The following SSH1 variants were observed in gnomAD, a reference collection of about 807,000 sequenced individuals.
The protein encoded by SSH1 is protein phosphatase Slingshot homolog 1.
Under a neutral mutation model 79.7 loss-of-function variants are expected in SSH1, and 43 were observed. The observed-to-expected ratio is 0.54, with a 90% CI of 0.42 to 0.70. The LOEUF (loss-of-function observed/expected upper bound fraction) is 0.70, where lower values mean the gene tolerates loss of function less well. Among genes scored for constraint, SSH1 ranks in the 30% least tolerant of loss-of-function variants. The probability of loss-of-function intolerance (pLI) is 0.00; values close to 1 mark genes in which losing one functional copy is unlikely to be tolerated. For missense variants in SSH1, 1,206 were observed against 1,358.8 expected (o/e 0.89, Z 1.77); for synonymous variants, 599 against 538.3 (o/e 1.11, Z -1.56).
At chr12:108,852,563 T>A in intron 2 of SSH1, 75 bp downstream of exon 2, 1 of 1,583,538 alleles carries the variant, frequency 6.3e-7, no homozygotes, top group Non-Finnish European at 8.7e-7. Flanking sequence ...ACGTTTTCCC[T>A]TTGGGAGAGG....
Position 108,788,340 on chromosome 12 carries a change from G to C in SSH1, c.2798C>G (p.Thr933Ser). Residue 933 changes from threonine to serine, a missense_variant, in exon 15 of 15, where the codon ACC becomes AGC. This residue lies in a region of SSH1 where 709 missense variants were observed against 730.6 expected (regional missense o/e 0.97). Transcript: ENST00000326495. ...PTSSSMSSNL[T>S]RSSSSDSIHS... ...GATGCTATCGCTGCTGGAGCTCCGG[G>C]TCAGGTTGGAGCTCATGGAAGAGGA... is the stretch of plus-strand genomic sequence containing the variant. 6.2e-7 allele frequency: 1 copy of C among 1,613,320 alleles called. No homozygotes were observed. The highest frequency in any genetic ancestry group is 8.5e-7 in the Non-Finnish European group (1 of 1,179,970).
At chr12:108,823,205 C>T (rs2038188431) in intron 3 of SSH1, 53 bp downstream of exon 3, 12 of 1,499,870 alleles carry the variant, frequency 8.0e-6, no homozygotes, top group South Asian at 2.4e-5. Context: ...GAAGTTTCCT[C>T]TGCTGTCCAG....
Position 108,786,180 on chromosome 12 carries a change from C to G in SSH1, c.*1808G>C, listed in dbSNP as rs2036267312. The G allele has an allele frequency of 6.6e-6, 1 of 152,328 alleles. No individual in the cohort carries two copies. The highest frequency in any genetic ancestry group is 3.4e-3 in the Middle Eastern group (1 of 294). The allele number at this position is 152,328 out of a possible 1,614,324, so 9.4% of individuals were successfully genotyped here. The stretch of plus-strand genomic sequence containing the variant: ...ATGTTAAGATGATGGCTCACTCACT[C>G]ACTTTCAGAATTCAGCTGGTCCTTG... On this transcript the variant is annotated 3_prime_UTR_variant, in exon 15 of 15. Transcript: ENST00000326495.
chr12:108,831,574 TG>T (rs1431346297), intron 2 of SSH1, among the ~76,000 whole-genome samples: 1 of 151,404 alleles, frequency 6.6e-6, no homozygotes, highest in African/African-American at 2.4e-5. Context: ...AGTTCCACGG[TG>T]GAAGGAGGTG....
intron 5 of SSH1, among the ~76,000 whole-genome samples, chr12:108,816,029 C>T (rs2037870956): frequency 6.6e-6 from 1 of 152,224 alleles, no homozygotes; most frequent in African/African-American, 2.4e-5. Context: ...AAATGCTCCT[C>T]AAATGCACCT....
chr12:108,856,693 T>C (rs1376661941), intron 1 of SSH1, among the ~76,000 whole-genome samples: 4 of 152,134 alleles, frequency 2.6e-5, no homozygotes, highest in Non-Finnish European at 4.4e-5. Flanking sequence ...CACACGTTTG[T>C]AGGGGCACTC....
intron 13 of SSH1, among the ~76,000 whole-genome samples, chr12:108,796,525 TTTCC>T (rs1338884659): frequency 1.3e-5 from 2 of 152,254 alleles, no homozygotes; most frequent in Admixed American, 6.5e-5. Flanking sequence ...TGTGTCAGTC[TTTCC>T]TTCCTTTTTA....
Position 108,857,462 on chromosome 12 carries a change from G to T in SSH1, c.35C>A (p.Pro12His). 8.9e-7 allele frequency: 1 copy of T among 1,129,240 alleles called. No homozygotes were observed. The highest frequency in any genetic ancestry group is 3.3e-5 in the Admixed American group (1 of 30,766). 70.0% of individuals were successfully genotyped at this position (1,129,240 alleles called of 1,614,324 possible). Reference sequence around the variant, plus strand: ...GCTGGCCGAGGAGGAGGCGGCGCTGGGCGTGGGCGAGCGCTGCAGGGTCAC... The same window carrying T: ...GCTGGCCGAGGAGGAGGCGGCGCTGTGCGTGGGCGAGCGCTGCAGGGTCAC... ...ALVTLQRSPT[P>H]SAASSSASNS... Residue 12 changes from proline to histidine, a missense_variant, in exon 1 of 15, where the codon CCC (proline) becomes CAC (histidine). Physicochemically the swap from Pro to His is moderately conservative, Grantham distance 77 (BLOSUM62 -2). Coordinates refer to ENST00000326495, the MANE Select transcript of SSH1 (RefSeq NM_018984.4). The surrounding 1 kb of genome is among the most constrained non-coding windows in gnomAD (Gnocchi z 4.7).
chr12:108,840,738 G>A (rs1408973610), intron 2 of SSH1, among the ~76,000 whole-genome samples: 1 of 152,146 alleles, frequency 6.6e-6, no homozygotes, highest in Non-Finnish European at 1.5e-5. Flanking sequence ...CTAAAGATGC[G>A]AGTACTTTCT....
rs1422245590 is a variant in SSH1, at chr12:108,780,275, C to T, written c.*7713G>A. ...AAACACAAACAAGCATGCGGATCCT[C>T]CCCAGCAAAACCACCTCCACTGTAG... On this transcript the variant is annotated 3_prime_UTR_variant, in exon 15 of 15. Coordinates refer to ENST00000326495, the MANE Select transcript of SSH1 (RefSeq NM_018984.4). The T allele has an allele frequency of 6.6e-6, 1 of 152,172 alleles. No individual in the cohort carries two copies. The highest frequency in any genetic ancestry group is 1.5e-5 in the Non-Finnish European group (1 of 68,034). 9.4% of individuals were successfully genotyped at this position (152,172 alleles called of 1,614,324 possible). A position where few individuals can be genotyped will look rare whatever the true frequency, so the allele number is the denominator to read the frequency against.
chr12:108,787,097 CG>C lies in SSH1; in HGVS notation c.*890del, dbSNP rs1251958237. 6.6e-6 allele frequency: 1 copy of C among 152,218 alleles called. No homozygotes were observed. Among genetic ancestry groups the C allele is most frequent in the Non-Finnish European group, 1.5e-5 (1 of 68,052 alleles). The allele number at this position is 152,218 out of a possible 1,614,324, so 9.4% of individuals were successfully genotyped here. ...CTAAGCATCTGGGCTCTCAGCAGGA[CG>C]ATGTGTCTCAGAACCACCACCTGAG... is the stretch of plus-strand genomic sequence containing the variant. On this transcript the variant is annotated 3_prime_UTR_variant, in exon 15 of 15. Coordinates refer to ENST00000326495, the MANE Select transcript of SSH1 (RefSeq NM_018984.4).
intron 8 of SSH1, 91 bp from the exon 9 acceptor site, chr12:108,806,485 A>G: frequency 8.5e-7 from 1 of 1,171,454 alleles, no homozygotes; most frequent in South Asian, 1.2e-5. Flanking sequence ...GGGTCTAAAC[A>G]GAACACGGCT....
intron 5 of SSH1, among the ~76,000 whole-genome samples, chr12:108,816,346 T>C (rs906329181): frequency 3.3e-5 from 5 of 152,246 alleles, no homozygotes; most frequent in Admixed American, 6.5e-5. Context: ...GCTTAATGAA[T>C]GAGTCGATGA....
chr12:108,813,703 G>T (rs1250618165), intron 5 of SSH1, among the ~76,000 whole-genome samples: 2 of 99,440 alleles, frequency 2.0e-5, no homozygotes, highest in African/African-American at 8.1e-5. Flanking sequence ...GCGAGATCCT[G>T]TCTCCAAATT....
At chr12:108,833,854 G>A (rs1023147961) in intron 2 of SSH1, 2 of 152,208 alleles carry the variant, frequency 1.3e-5, no homozygotes, top group African/African-American at 4.8e-5. Flanking sequence ...CTGTGGTATA[G>A]GACAGCAGAG....
At chr12:108,839,775 GA>G (rs1333623425) in intron 2 of SSH1, among the ~76,000 whole-genome samples, 1 of 152,208 alleles carries the variant, frequency 6.6e-6, no homozygotes, top group Non-Finnish European at 1.5e-5. Flanking sequence ...GAACTTGCAG[GA>G]AAACAGGTCA....
At chr12:108,845,544 A>T (rs2038880300) in intron 2 of SSH1, among the ~76,000 whole-genome samples, 1 of 152,118 alleles carries the variant, frequency 6.6e-6, no homozygotes, top group African/African-American at 2.4e-5. Flanking sequence ...AAAATTGGCC[A>T]GGTGTGGTGG....
chr12:108,833,067 A>G (rs1194270298), intron 2 of SSH1, among the ~76,000 whole-genome samples: 1 of 152,134 alleles, frequency 6.6e-6, no homozygotes, highest in Non-Finnish European at 1.5e-5. Context: ...AGTAAGAGAC[A>G]TTCTCTGAGC....
intron 1 of SSH1, among the ~76,000 whole-genome samples, chr12:108,856,864 T>C (rs774358750): frequency 1.3e-5 from 2 of 152,314 alleles, no homozygotes; most frequent in African/African-American, 2.4e-5. Flanking sequence ...AGGGTCCCAG[T>C]TGCACATCCA....
Sources: gnomAD v4.1 joint callset for allele counts (sites outside exome capture counted in the v4.1 genomes callset) on GRCh38, gnomAD v4.1.1 for gene constraint, gnomAD v4.1.1 regional missense constraint, Gnocchi (gnomAD v3.1) non-coding constraint, MANE v1.5 for transcripts, NCBI Gene and HGNC (gene_info 2026-07-23, HGNC 2026-07-21) for gene names.